The following MB21D2 variants were observed in gnomAD, a reference collection of about 807,000 sequenced individuals.
MB21D2 encodes Mab-21 domain containing 2, also known as nucleotidyltransferase MB21D2.
Under a neutral mutation model 33.3 loss-of-function variants are expected in MB21D2, and 9 were observed. That is an observed-to-expected ratio of 0.27 (90% CI 0.16 to 0.47). The LOEUF is 0.47. Ranked by LOEUF, MB21D2 falls within the 20% of genes least tolerant of loss-of-function variation. MB21D2 has a pLI of 0.99. For synonymous variants in MB21D2, 241 were observed against 236.3 expected (o/e 1.02, Z -0.18); for missense variants, 540 against 624.6 (o/e 0.86, Z 1.44).
chr3:192,807,968 G>A (rs778835655), intron 1 of MB21D2, among the ~76,000 whole-genome samples: 29 of 152,104 alleles, frequency 1.9e-4, no homozygotes, highest in Middle Eastern at 3.4e-3. Flanking sequence ...TGAGTGGGGC[G>A]GGAGGGATTG....
intron 1 of MB21D2, among the ~76,000 whole-genome samples, chr3:192,879,446 AC>A (rs1009542350): frequency 4.6e-5 from 7 of 152,380 alleles, no homozygotes; most frequent in Non-Finnish European, 8.8e-5. Context: ...AAATGCGGTG[AC>A]TAAAACAAAC....
chr3:192,813,340 C>A, intron 1 of MB21D2, among the ~76,000 whole-genome samples: 1 of 149,384 alleles, frequency 6.7e-6, no homozygotes. Flanking sequence ...CTTCAGTTTC[C>A]AGGAATAAAA....
rs949247961 is a variant in MB21D2 at position 192,872,051 on chromosome 3, T to C, written c.211+45579A>G. ...TCTTTTATATAATCACAATCCAAGT[T>C]TGTCTCTCATAAAACTGAGGTGTGG... On this transcript the variant is annotated intron_variant, in intron 1 of 1. Coordinates refer to ENST00000392452, the MANE Select transcript of MB21D2 (RefSeq NM_178496.4). Among the ~76,000 whole-genome samples, 4 of 152,196 alleles carry C rather than the reference T, an allele frequency of 2.6e-5. No individual in the cohort carries two copies. In the East Asian group the frequency reaches 7.7e-4, roughly 29 times the overall value.
At chr3:192,823,395 T>G (rs1712100555) in intron 1 of MB21D2, among the ~76,000 whole-genome samples, 1 of 152,224 alleles carries the variant, frequency 6.6e-6, no homozygotes, top group Admixed American at 6.5e-5. Context: ...GGCTCATGCC[T>G]GTAATCTCAG....
chr3:192,809,804 ACGTGTG>A (rs1175301011), intron 1 of MB21D2, among the ~76,000 whole-genome samples: 1 of 152,148 alleles, frequency 6.6e-6, no homozygotes, highest in Non-Finnish European at 1.5e-5. Context: ...GTGGGTGCAC[ACGTGTG>A]CGTGTGCATC....
chr3:192,867,990 G>C (rs1560244205), intron 1 of MB21D2, among the ~76,000 whole-genome samples: 1 of 152,116 alleles, frequency 6.6e-6, no homozygotes, highest in Non-Finnish European at 1.5e-5. Flanking sequence ...GGTCAGTGAG[G>C]TCCAGAAATC....
Position 192,798,065 on chromosome 3 carries a change from A to C in MB21D2, c.*321T>G. The C allele has an allele frequency of 4.3e-6, 1 of 231,894 alleles. No homozygotes were observed. The highest frequency in any genetic ancestry group is 9.8e-5 in the South Asian group (1 of 10,218). 14.4% of individuals were successfully genotyped at this position (231,894 alleles called of 1,614,324 possible). A position where few individuals can be genotyped will look rare whatever the true frequency, so the allele number is the denominator to read the frequency against. On this transcript the variant is annotated 3_prime_UTR_variant, in exon 2 of 2. Coordinates refer to ENST00000392452, the MANE Select transcript of MB21D2 (RefSeq NM_178496.4). The surrounding 1 kb of genome is among the most constrained non-coding windows in gnomAD (Gnocchi z 4.8). Reference sequence around the variant, plus strand: ...CATACCCATGAACAAATTTGCACCAAGTATGAAACAGAAAAAAGCAAGAGG... The same window carrying C: ...CATACCCATGAACAAATTTGCACCACGTATGAAACAGAAAAAAGCAAGAGG...
chr3:192,804,065 A>G (rs2108609231), intron 1 of MB21D2, among the ~76,000 whole-genome samples: 1 of 152,290 alleles, frequency 6.6e-6, no homozygotes, highest in South Asian at 2.1e-4. Flanking sequence ...TTTTTACTTA[A>G]GAATATCTTA....
At chr3:192,841,125 A>G (rs1446406943) in intron 1 of MB21D2, among the ~76,000 whole-genome samples, 2 of 152,232 alleles carry the variant, frequency 1.3e-5, no homozygotes, top group Non-Finnish European at 2.9e-5. Flanking sequence ...TATTTTGAAA[A>G]CAAAATAATT....
chr3:192,865,950 C>T (rs999341009), intron 1 of MB21D2, among the ~76,000 whole-genome samples: 2 of 151,680 alleles, frequency 1.3e-5, no homozygotes, highest in Non-Finnish European at 2.9e-5. Flanking sequence ...GAAGCTGAGG[C>T]GGGAGGATTG....
rs571876150 is a variant in MB21D2 at position 192,917,807 on chromosome 3, C to T, written c.34G>A (p.Ala12Thr). The change falls in exon 1 of 2, where the codon GCC (alanine) becomes ACC (threonine). Residue 12 changes from alanine to threonine, a missense_variant. By Grantham distance (58) the Ala-to-Thr change is moderately conservative. Coordinates refer to ENST00000392452, the MANE Select transcript of MB21D2 (RefSeq NM_178496.4). ...GGCTTGTTGTTACAGCCCAGGGAGG[C>T]TGCCTTGTTGGCGGTGGGAGCCGCC... is the stretch of plus-strand genomic sequence containing the variant. ...KMAAPTANKA[A>T]SLGCNNKPAF... 5 of 1,612,032 alleles carry T rather than the reference C, an allele frequency of 3.1e-6. No individual in the cohort carries two copies. In the East Asian group the frequency reaches 1.1e-4, roughly 36 times the overall value.
chr3:192,904,653 C>T (rs1418229337), intron 1 of MB21D2, among the ~76,000 whole-genome samples: 1 of 152,128 alleles, frequency 6.6e-6, no homozygotes, highest in African/African-American at 2.4e-5. Context: ...GGGGCCTGGC[C>T]ATCTGTGTTT....
chr3:192,916,097 T>TA (rs1428311821), intron 1 of MB21D2, among the ~76,000 whole-genome samples: 99 of 116,652 alleles, frequency 8.5e-4, no homozygotes, highest in African/African-American at 2.6e-3. Context: ...CCTACCAGGT[T>TA]TTATATATAT....
intron 1 of MB21D2, among the ~76,000 whole-genome samples, chr3:192,814,698 TA>T (rs11361135): frequency 0.077 from 11,699 of 151,328 alleles, 1,504 homozygotes; most frequent in African/African-American, 0.26. Flanking sequence ...CTGTCTCTAC[TA>T]AAAAAAATAC....
chr3:192,916,098 TTATATA>T (rs55749042), intron 1 of MB21D2, among the ~76,000 whole-genome samples: 34 of 139,174 alleles, frequency 2.4e-4, no homozygotes, highest in African/African-American at 8.8e-4. Context: ...CTACCAGGTT[TTATATA>T]TATATATATA....
chr3:192,800,784 A>G (rs979871705), intron 1 of MB21D2, among the ~76,000 whole-genome samples: 5 of 152,218 alleles, frequency 3.3e-5, no homozygotes, highest in African/African-American at 1.2e-4. Flanking sequence ...ACTTTAAAGA[A>G]CAACAGAAAA....
At chr3:192,826,125 G>A (rs1293997857) in intron 1 of MB21D2, among the ~76,000 whole-genome samples, 1 of 152,176 alleles carries the variant, frequency 6.6e-6, no homozygotes, top group Non-Finnish European at 1.5e-5. Context: ...TCTGCCCTAG[G>A]CAGTAGAGGA....
chr3:192,798,407 T>G lies in MB21D2; in HGVS notation c.1455A>C (p.Arg485Ser). Residue 485 changes from arginine (R) to serine (S), a missense_variant, in exon 2 of 2, where the codon AGA (arginine) becomes AGC (serine). Coordinates refer to ENST00000392452, the MANE Select transcript of MB21D2 (RefSeq NM_178496.4). The surrounding 1 kb of genome is among the most constrained non-coding windows in gnomAD (Gnocchi z 4.8). ...ACACTCAGAAAAATTTGTCATCAAT[T>G]CTGAAATGGGGCCTTGTGACATCGT... Reference protein sequence around the residue: ...NPDDVTRPHFRIDDKFF With the variant: ...NPDDVTRPHFSIDDKFF The G allele has an allele frequency of 6.2e-7, 1 of 1,613,834 alleles. No homozygotes were observed. Among genetic ancestry groups the G allele is most frequent in the Non-Finnish European group, 8.5e-7 (1 of 1,179,766 alleles).
Position 192,806,188 on chromosome 3 carries a change from G to C in MB21D2, c.212-6538C>G, listed in dbSNP as rs191427229. 3.0e-3 allele frequency among the ~76,000 whole-genome samples: 451 copies of C among 152,290 alleles called. 1 individual carries two copies. The highest frequency in any genetic ancestry group is 4.6e-3 in the Non-Finnish European group (316 of 68,016). ...ACATCCTAGTGGAGGGTCTTGACCTGAACTAAATTAGCACTTTCGACATCT... is the reference window on the plus strand; with the variant it reads ...ACATCCTAGTGGAGGGTCTTGACCTCAACTAAATTAGCACTTTCGACATCT... On this transcript the variant is annotated intron_variant, in intron 1 of 1. Transcript: ENST00000392452.
Sources: allele counts gnomAD v4.1 joint callset (sites outside exome capture counted in the v4.1 genomes callset), GRCh38; gene constraint gnomAD v4.1.1; non-coding constraint Gnocchi (gnomAD v3.1); transcripts MANE v1.5; gene names NCBI Gene and HGNC (gene_info 2026-07-23, HGNC 2026-07-21).